The following SORCS1 variants were observed in gnomAD, a reference collection of about 807,000 sequenced individuals.
The protein encoded by SORCS1 is sortilin related VPS10 domain containing receptor 1.
Under a neutral mutation model 146.1 loss-of-function variants are expected in SORCS1, and 60 were observed. The ratio of observed to expected loss-of-function variants is 0.41; its 90% CI spans 0.33 to 0.51. The LOEUF (loss-of-function observed/expected upper bound fraction) is 0.51, where lower values mean the gene tolerates loss of function less well. SORCS1 is among the 20% of genes least tolerant of loss of function. The probability of loss-of-function intolerance (pLI) is 0.21; values close to 1 mark genes in which losing one functional copy is unlikely to be tolerated. For synonymous variants in SORCS1, 637 were observed against 584.0 expected, an observed-to-expected ratio of 1.09 and a Z score of -1.31; for missense variants, 1,352 against 1,487.6, an observed-to-expected ratio of 0.91 and a Z score of 1.50.
At chr10:107,152,187 C>T (rs774348384) in intron 1 of SORCS1, among the ~76,000 whole-genome samples, 6 of 152,156 alleles carry the variant, frequency 3.9e-5, no homozygotes, top group Non-Finnish European at 8.8e-5. Flanking sequence ...TGTGGGTGTG[C>T]AGAAGACAAG....
intron 6 of SORCS1, among the ~76,000 whole-genome samples, chr10:106,717,215 A>G (rs1048214005): frequency 2.6e-5 from 4 of 152,212 alleles, no homozygotes; most frequent in African/African-American, 7.2e-5. Flanking sequence ...ACAAGCGCAT[A>G]TAACTTTTCC....
rs188967318 is a variant in SORCS1 at position 106,837,313 on chromosome 10, G to A, written c.627-7640C>T. Among the ~76,000 whole-genome samples the A allele has an allele frequency of 1.1e-3, 169 of 152,114 alleles. 1 individual carries two copies. Among genetic ancestry groups the A allele is most frequent in the African/African-American group, 4.0e-3 (164 of 41,490 alleles). On this transcript the variant is annotated intron_variant, in intron 2 of 25. Coordinates refer to ENST00000263054, the MANE Select transcript of SORCS1 (RefSeq NM_052918.5). ...GAAAAGAGGCAGCTCCTTGATTCCA[G>A]GAAAGTCTCACTCCCTTCAAAAGAA...
intron 1 of SORCS1, among the ~76,000 whole-genome samples, chr10:107,021,508 C>T (rs1200479999): frequency 1.1e-5 from 1 of 87,808 alleles, no homozygotes; most frequent in Non-Finnish European, 2.1e-5. Context: ...AGCGACACTC[C>T]GTCTCAAAAA....
intron 1 of SORCS1, among the ~76,000 whole-genome samples, chr10:107,001,068 C>T (rs1957196347): frequency 6.6e-6 from 1 of 152,080 alleles, no homozygotes; most frequent in South Asian, 2.1e-4. Context: ...GAGTGACTAG[C>T]CCAAGTCTTG....
chr10:106,657,730 G>C (rs11193002), intron 17 of SORCS1, among the ~76,000 whole-genome samples: 2 of 150,480 alleles, frequency 1.3e-5, no homozygotes, highest in Non-Finnish European at 3.0e-5. Context: ...CTGACCTGAA[G>C]GTTAAAACTA....
At chr10:106,682,529 T>A (rs1294673818) in intron 10 of SORCS1, among the ~76,000 whole-genome samples, 1 of 152,236 alleles carries the variant, frequency 6.6e-6, no homozygotes, top group Non-Finnish European at 1.5e-5. Context: ...TTTTGGACAT[T>A]TGTCCAAGTT....
intron 5 of SORCS1, among the ~76,000 whole-genome samples, chr10:106,748,810 TC>T (rs1857936231): frequency 6.6e-6 from 1 of 152,184 alleles, no homozygotes; most frequent in African/African-American, 2.4e-5. Flanking sequence ...ACCTATGTTT[TC>T]TGCAGAAAAT....
At chr10:107,144,555 G>A (rs1184463327) in intron 1 of SORCS1, among the ~76,000 whole-genome samples, 1 of 152,206 alleles carries the variant, frequency 6.6e-6, no homozygotes, top group Admixed American at 6.5e-5. Context: ...GCATATCCCT[G>A]TGGAACACCA....
rs1235041944 is a variant in SORCS1, at chr10:106,576,113, G to C, written c.*1307C>G. On this transcript the variant is annotated 3_prime_UTR_variant, in exon 26 of 26. Coordinates refer to ENST00000263054, the MANE Select transcript of SORCS1 (RefSeq NM_052918.5). The stretch of plus-strand genomic sequence containing the variant: ...CTTTCGCATACAGTATATGTTTCCA[G>C]GTGGGAAAAGGCAGGGATATTTGAA... 6.6e-6 allele frequency: 1 copy of C among 152,244 alleles called. No individual in the cohort carries two copies. Among genetic ancestry groups the C allele is most frequent in the Non-Finnish European group, 1.5e-5 (1 of 68,078 alleles). 9.4% of individuals were successfully genotyped at this position (152,244 alleles called of 1,614,324 possible). A position where few individuals can be genotyped will look rare whatever the true frequency, so the allele number is the denominator to read the frequency against.
chr10:106,652,777 C>T (rs911056736), intron 17 of SORCS1, among the ~76,000 whole-genome samples: 1 of 152,124 alleles, frequency 6.6e-6, no homozygotes, highest in African/African-American at 2.4e-5. Flanking sequence ...GAGTTTTATT[C>T]ATCTATTAAA....
chr10:106,589,903 C>A (rs1845498930), intron 24 of SORCS1, among the ~76,000 whole-genome samples: 1 of 151,816 alleles, frequency 6.6e-6, no homozygotes, highest in African/African-American at 2.4e-5. Flanking sequence ...TTTCATTTTC[C>A]AAATTCATTA....
intron 17 of SORCS1, among the ~76,000 whole-genome samples, chr10:106,661,396 G>T (rs1010784865): frequency 5.3e-5 from 8 of 152,196 alleles, no homozygotes; most frequent in African/African-American, 1.7e-4. Flanking sequence ...AGCCGCATAG[G>T]TTACTATTTT....
intron 1 of SORCS1, among the ~76,000 whole-genome samples, chr10:106,973,415 G>T (rs1266323707): frequency 6.6e-6 from 1 of 152,292 alleles, no homozygotes; most frequent in Non-Finnish European, 1.5e-5. Flanking sequence ...TCCAGAAAAT[G>T]CAAATCTCCC....
intron 1 of SORCS1, among the ~76,000 whole-genome samples, chr10:107,090,025 C>G (rs1964071639): frequency 6.6e-6 from 1 of 152,190 alleles, no homozygotes; most frequent in African/African-American, 2.4e-5. Flanking sequence ...GTTTATTTCA[C>G]TTTGCAACTC....
At chr10:106,766,374 T>G (rs749282894) in intron 4 of SORCS1, among the ~76,000 whole-genome samples, 40 of 152,198 alleles carry the variant, frequency 2.6e-4, no homozygotes, top group Non-Finnish European at 4.3e-4. Flanking sequence ...CATCCTTTTT[T>G]AGCAAGAAAG....
chr10:106,657,818 C>T (rs1850422535), intron 17 of SORCS1, among the ~76,000 whole-genome samples: 1 of 151,622 alleles, frequency 6.6e-6, no homozygotes, highest in African/African-American at 2.4e-5. Context: ...CATCCTCTCT[C>T]AAATCTTTGA....
At chr10:106,888,391 C>T (rs749455268) in intron 2 of SORCS1, among the ~76,000 whole-genome samples, 21 of 151,884 alleles carry the variant, frequency 1.4e-4, no homozygotes, top group Middle Eastern at 3.2e-3. Flanking sequence ...AGAAACAGCA[C>T]TGGAAAAGAA....
At chr10:106,919,827 C>T (rs573770096) in intron 2 of SORCS1, among the ~76,000 whole-genome samples, 3 of 152,272 alleles carry the variant, frequency 2.0e-5, no homozygotes, top group Admixed American at 2.0e-4. Context: ...AATTTATTCC[C>T]ATTGTTTCAA....
At chr10:107,027,664 A>T (rs1163322825) in intron 1 of SORCS1, among the ~76,000 whole-genome samples, 1 of 152,146 alleles carries the variant, frequency 6.6e-6, no homozygotes, top group Non-Finnish European at 1.5e-5. Context: ...AGCCTGATTT[A>T]TCAGCAGGAT....
Sources: gnomAD v4.1 joint callset for allele counts (sites outside exome capture counted in the v4.1 genomes callset) on GRCh38, gnomAD v4.1.1 for gene constraint, MANE v1.5 for transcripts, NCBI Gene and HGNC (gene_info 2026-07-23, HGNC 2026-07-21) for gene names.